Variants in CNTNAP5 observed in about 807,000 individuals in gnomAD.
CNTNAP5 encodes the protein contactin-associated protein-like 5.
CNTNAP5 carries 72 observed loss-of-function variants against 150.2 expected under a neutral mutation model. The observed-to-expected ratio is 0.48, with a 90% CI of 0.40 to 0.58. CNTNAP5 has a LOEUF of 0.58. Among genes scored for constraint, CNTNAP5 ranks in the 20% least tolerant of loss-of-function variants. The probability of loss-of-function intolerance (pLI) is 0.00; values close to 1 mark genes in which losing one functional copy is unlikely to be tolerated. For missense variants in CNTNAP5, 1,636 were observed against 1,626.2 expected (o/e 1.01, Z -0.10); for synonymous variants, 672 against 619.8 (o/e 1.08, Z -1.25).
chr2:124,529,629 C>T (rs188385192), intron 10 of CNTNAP5, among the ~76,000 whole-genome samples: 42 of 152,250 alleles, frequency 2.8e-4, no homozygotes, highest in African/African-American at 7.9e-4. Context: ...TTTGGTGTTT[C>T]ATTTTTAATG....
chr2:124,508,487 A>G (rs962233808), intron 8 of CNTNAP5, among the ~76,000 whole-genome samples: 10 of 152,314 alleles, frequency 6.6e-5, no homozygotes, highest in African/African-American at 2.4e-4. Flanking sequence ...TTTTAATACA[A>G]GGAAGGCCCT....
chr2:124,682,403 G>C (rs944723208), intron 13 of CNTNAP5, among the ~76,000 whole-genome samples: 7 of 152,198 alleles, frequency 4.6e-5, no homozygotes, highest in African/African-American at 1.7e-4. Flanking sequence ...CACACTGTGA[G>C]AACAGAGATT....
chr2:124,429,975 A>T (rs1692333173), intron 4 of CNTNAP5, among the ~76,000 whole-genome samples: 1 of 152,212 alleles, frequency 6.6e-6, no homozygotes, highest in South Asian at 2.1e-4. Context: ...TTAATGTGGC[A>T]AACAGCGTAC....
chr2:124,228,783 C>T (rs1031101703), intron 2 of CNTNAP5, among the ~76,000 whole-genome samples: 13 of 152,140 alleles, frequency 8.5e-5, no homozygotes, highest in Non-Finnish European at 4.4e-5. Context: ...ATTCAGCCTT[C>T]CAACACTCTT....
intron 3 of CNTNAP5, among the ~76,000 whole-genome samples, chr2:124,259,718 G>A (rs1000578461): frequency 9.9e-5 from 15 of 151,882 alleles, no homozygotes; most frequent in South Asian, 2.1e-4. Flanking sequence ...TGTTTACACC[G>A]ATAACAGACA....
In CNTNAP5 at chr2:124,347,593, A is replaced by G. The variant is rs1229490372; in HGVS notation, c.382-69850A>G. 2.0e-5 allele frequency among the ~76,000 whole-genome samples: 3 copies of G among 152,284 alleles called. No homozygotes were observed. In the East Asian group the frequency reaches 5.8e-4, roughly 29 times the overall value. On this transcript the variant is annotated intron_variant, in intron 3 of 23. Transcript: ENST00000682447. The stretch of plus-strand genomic sequence containing the variant: ...GTGTTGCTTTCCAGGGTGCGCTCCT[A>G]TGATCCTATGATCCCTGTCTATTGA...
chr2:124,482,940 T>C (rs1192243278), intron 7 of CNTNAP5, among the ~76,000 whole-genome samples: 1 of 152,240 alleles, frequency 6.6e-6, no homozygotes, highest in Non-Finnish European at 1.5e-5. Context: ...TTGTCCTACA[T>C]ATAAAAGTTT....
intron 1 of CNTNAP5, among the ~76,000 whole-genome samples, chr2:124,105,472 G>A (rs2104700669): frequency 6.6e-6 from 1 of 152,178 alleles, no homozygotes; most frequent in Non-Finnish European, 1.5e-5. Flanking sequence ...TGAAAAGAGT[G>A]GCATTTTCCT....
At chr2:124,661,317 C>T (rs1024950398) in intron 13 of CNTNAP5, among the ~76,000 whole-genome samples, 1 of 152,084 alleles carries the variant, frequency 6.6e-6, no homozygotes, top group African/African-American at 2.4e-5. Flanking sequence ...ATTCTATAAG[C>T]TTTTTTCTAT....
At chr2:124,467,932 C>G (rs1000281765) in intron 6 of CNTNAP5, among the ~76,000 whole-genome samples, 8 of 152,176 alleles carry the variant, frequency 5.3e-5, no homozygotes, top group Middle Eastern at 3.4e-3. Context: ...AAAAGTAGTA[C>G]ATTATTGGGT....
chr2:124,693,840 C>CAAAAAAAAAAAAAAAA (rs142663614), intron 13 of CNTNAP5, among the ~76,000 whole-genome samples: 1 of 121,748 alleles, frequency 8.2e-6, no homozygotes, highest in Admixed American at 8.7e-5. Flanking sequence ...AAAAAAAAGG[C>CAAAAAAAAAAAAAAAA]AAAAAAAAAA....
At chr2:124,408,283 G>A (rs551238123) in intron 3 of CNTNAP5, among the ~76,000 whole-genome samples, 1 of 152,228 alleles carries the variant, frequency 6.6e-6, no homozygotes, top group Non-Finnish European at 1.5e-5. Context: ...AGATCAAACT[G>A]CAAGGCCGCA....
At chr2:124,270,023 G>A (rs1017975247) in intron 3 of CNTNAP5, among the ~76,000 whole-genome samples, 1 of 152,082 alleles carries the variant, frequency 6.6e-6, no homozygotes, top group South Asian at 2.1e-4. Context: ...GTATAAATAA[G>A]CTATCATGGG....
At chr2:124,614,033 G>C (rs10195187) in intron 12 of CNTNAP5, among the ~76,000 whole-genome samples, 85,158 of 152,004 alleles carry the variant, frequency 0.56, 24,473 homozygotes, top group African/African-American at 0.61. Flanking sequence ...TAAGCTTCCA[G>C]AGGAACACAC....
At chr2:124,297,818 TA>T (rs1247004903) in intron 3 of CNTNAP5, among the ~76,000 whole-genome samples, 18 of 45,292 alleles carry the variant, frequency 4.0e-4, no homozygotes, top group Admixed American at 2.7e-3. Flanking sequence ...TATTTATTAT[TA>T]TTATTATTAT....
At chr2:124,212,290 G>A (rs1185726083) in intron 1 of CNTNAP5, among the ~76,000 whole-genome samples, 1 of 152,014 alleles carries the variant, frequency 6.6e-6, no homozygotes, top group East Asian at 1.9e-4. Flanking sequence ...TAAATTCTGA[G>A]CATAATTTGG....
intron 4 of CNTNAP5, among the ~76,000 whole-genome samples, chr2:124,427,292 T>A (rs541261237): frequency 2.0e-5 from 3 of 152,136 alleles, no homozygotes; most frequent in Non-Finnish European, 4.4e-5. Flanking sequence ...TTATGCAGGC[T>A]GACCATGCAA....
chr2:124,434,910 C>T (rs989350764), intron 5 of CNTNAP5, among the ~76,000 whole-genome samples: 1 of 152,166 alleles, frequency 6.6e-6, no homozygotes, highest in South Asian at 2.1e-4. Context: ...TATTTATTGA[C>T]CTAACTACGT....
chr2:124,681,980 G>A (rs1679079468), intron 13 of CNTNAP5, among the ~76,000 whole-genome samples: 1 of 152,100 alleles, frequency 6.6e-6, no homozygotes, highest in South Asian at 2.1e-4. Flanking sequence ...AAAATGCTTT[G>A]CTATGTGTCT....
Sources: gnomAD v4.1 joint callset for allele counts (sites outside exome capture counted in the v4.1 genomes callset) on GRCh38, gnomAD v4.1.1 for gene constraint, MANE v1.5 for transcripts, NCBI Gene and HGNC (gene_info 2026-07-23, HGNC 2026-07-21) for gene names.